Variants in EFCAB6 observed in about 807,000 individuals in gnomAD.
EFCAB6 encodes the protein EF-hand calcium binding domain 6, also known as EF-hand calcium-binding domain-containing protein 6.
A neutral mutation model predicts 169.8 loss-of-function variants in EFCAB6; 156 were observed. The observed-to-expected ratio is 0.92, with a 90% CI of 0.81 to 1.05. The LOEUF is 1.05. EFCAB6 is among the 50% of genes least tolerant of loss of function. The probability of loss-of-function intolerance (pLI) is 0.00; values close to 1 mark genes in which losing one functional copy is unlikely to be tolerated. For missense variants in EFCAB6, 1,800 were observed against 1,829.1 expected (o/e 0.98, Z 0.29); for synonymous variants, 698 against 676.4 (o/e 1.03, Z -0.50).
intron 23 of EFCAB6, 118 bp from the exon 24 acceptor site, chr22:43,590,347 T>A: frequency 8.4e-7 from 1 of 1,194,344 alleles, no homozygotes; most frequent in Non-Finnish European, 1.2e-6. Flanking sequence ...AAGAACTAAT[T>A]TTGAAGATGT....
chr22:43,687,593 AG>A lies in EFCAB6; in HGVS notation c.1032-13del. The A allele has an allele frequency of 6.6e-7, 1 of 1,505,410 alleles. No individual in the cohort carries two copies. 93.3% of individuals were successfully genotyped at this position (1,505,410 alleles called of 1,614,324 possible). On this transcript the variant is annotated splice_polypyrimidine_tract_variant and intron_variant, in intron 10 of 31. Transcript: ENST00000262726. ...CTTTAAGTCCAAATCTGGATTTAAAAGTAACAACAAAAAACATTACTTTAAA... is the reference window on the plus strand; with the variant it reads ...CTTTAAGTCCAAATCTGGATTTAAAATAACAACAAAAAACATTACTTTAAA...
intron 3 of EFCAB6, among the ~76,000 whole-genome samples, chr22:43,779,735 G>A (rs28368456): frequency 0.04 from 6,097 of 151,970 alleles, 436 homozygotes; most frequent in African/African-American, 0.14. Flanking sequence ...GCGAGACTCC[G>A]CCTCAATAAA....
intron 27 of EFCAB6, among the ~76,000 whole-genome samples, chr22:43,544,147 T>C (rs4823096): frequency 2.0e-5 from 3 of 151,498 alleles, no homozygotes; most frequent in Non-Finnish European, 4.4e-5. Flanking sequence ...CGCCCACAAC[T>C]CTTCCCCAGT....
At chr22:43,591,623 G>T (rs947239119) in intron 23 of EFCAB6, among the ~76,000 whole-genome samples, 2 of 152,110 alleles carry the variant, frequency 1.3e-5, no homozygotes, top group Non-Finnish European at 2.9e-5. Flanking sequence ...ACAGGAACAG[G>T]ACAGCATGCA....
intron 25 of EFCAB6, 57 bp downstream of exon 25, chr22:43,580,407 G>A: frequency 1.3e-6 from 2 of 1,573,878 alleles, no homozygotes; most frequent in African/African-American, 1.3e-5. Context: ...GGGGCTGAGA[G>A]GTGTTTTCAT....
intron 10 of EFCAB6, among the ~76,000 whole-genome samples, chr22:43,704,162 T>C (rs891123237): frequency 2.0e-5 from 3 of 151,884 alleles, no homozygotes; most frequent in African/African-American, 7.3e-5. Context: ...GGTCCCAACA[T>C]GACTATCAGC....
intron 10 of EFCAB6, among the ~76,000 whole-genome samples, chr22:43,689,478 A>C (rs1395491776): frequency 6.6e-6 from 1 of 152,172 alleles, no homozygotes; most frequent in East Asian, 1.9e-4. Flanking sequence ...CCAGGGGCTG[A>C]GAAGGAAATA....
intron 5 of EFCAB6, among the ~76,000 whole-genome samples, chr22:43,758,998 G>A (rs983653523): frequency 5.9e-5 from 9 of 152,164 alleles, no homozygotes; most frequent in African/African-American, 9.7e-5. Flanking sequence ...CAAGACTGGC[G>A]GATCACCTGA....
intron 17 of EFCAB6, among the ~76,000 whole-genome samples, chr22:43,639,848 TTC>T (rs1193664600): frequency 1.3e-5 from 2 of 152,194 alleles, no homozygotes; most frequent in African/African-American, 4.8e-5. Context: ...TAAAAAATTT[TTC>T]TCTCTCCTCT....
chr22:43,648,846 G>A (rs981016300), intron 17 of EFCAB6, among the ~76,000 whole-genome samples: 1 of 152,188 alleles, frequency 6.6e-6, no homozygotes, highest in Non-Finnish European at 1.5e-5. Context: ...TCATGCATTT[G>A]AAAAATACTT....
intron 9 of EFCAB6, 195 bp downstream of exon 9, chr22:43,716,653 T>C (rs1188928300): frequency 3.9e-6 from 2 of 518,714 alleles, no homozygotes; most frequent in Non-Finnish European, 6.2e-6. Flanking sequence ...AAAAATTAAT[T>C]TCACATCACC....
intron 21 of EFCAB6, among the ~76,000 whole-genome samples, chr22:43,609,039 C>T (rs1393220212): frequency 6.6e-6 from 1 of 152,106 alleles, no homozygotes; most frequent in African/African-American, 2.4e-5. Context: ...TTTTTATGGC[C>T]CTGATGGGTA....
rs1569487286 is a variant in EFCAB6, at chr22:43,784,569, G to GTATATATACACATATATA, written c.-7-2245_-7-2244insTATATATGTGTATATATA. Among the ~76,000 whole-genome samples, 69 of 40,002 alleles carry GTATATATACACATATATA rather than the reference G, an allele frequency of 1.7e-3. 2 individuals carry two copies. The highest frequency in any genetic ancestry group is 0.018 in the Middle Eastern group (1 of 56). The allele number at this position is 40,002 out of a possible 152,430, so 26.2% of individuals were successfully genotyped here. On this transcript the variant is annotated intron_variant, in intron 2 of 31. Transcript: ENST00000262726. ...TATATGTATATATACACATATATATGTGTACATATACACATATATATGTAT... is the reference window on the plus strand; with the variant it reads ...TATATGTATATATACACATATATATGTATATATACACATATATATGTACATATACACATATATATGTAT...
chr22:43,540,573 A>T (rs2047655501), intron 27 of EFCAB6: 3 of 1,499,656 alleles, frequency 2.0e-6, no homozygotes, highest in African/African-American at 2.8e-5. Context: ...AGGATTATTC[A>T]TGGCTTCTGC....
intron 2 of EFCAB6, among the ~76,000 whole-genome samples, chr22:43,784,547 A>ATATACACATATATGTG (rs1204100633): frequency 1.7e-4 from 14 of 81,116 alleles, no homozygotes; most frequent in East Asian, 1.2e-3. Flanking sequence ...GTGTGTGTAT[A>ATATACACATATATGTG]TGTATATATA....
In EFCAB6 at chr22:43,632,185, T is replaced by C. The variant is rs747665831; in HGVS notation, c.2152A>G (p.Lys718Glu). 4.7e-5 allele frequency: 76 copies of C among 1,614,202 alleles called. No homozygotes were observed. The African/African-American group carries it at 7.2e-4, about 15-fold the overall frequency. The change falls in exon 19 of 32, where the codon AAA (lysine) becomes GAA (glutamate). Residue 718 changes from lysine (K) to glutamate (E), a missense_variant. Transcript: ENST00000262726. ...ATAAAGTGGCTGTTCACGTAACTTTTTGAAGGAGTTGGAGGCTGCGGCGGA... is the reference window on the plus strand; with the variant it reads ...ATAAAGTGGCTGTTCACGTAACTTTCTGAAGGAGTTGGAGGCTGCGGCGGA... ...TTPPQPPTPSKSYVNSHFITA... is the reference protein window; with the variant it reads ...TTPPQPPTPSESYVNSHFITA...
At chr22:43,596,279 C>T (rs1663622775) in intron 23 of EFCAB6, among the ~76,000 whole-genome samples, 1 of 151,840 alleles carries the variant, frequency 6.6e-6, no homozygotes, top group African/African-American at 2.4e-5. Flanking sequence ...TAAAGCGCAT[C>T]CAAATTGGAA....
chr22:43,765,768 G>C (rs73888211), intron 4 of EFCAB6, among the ~76,000 whole-genome samples: 94 of 152,176 alleles, frequency 6.2e-4, no homozygotes, highest in African/African-American at 2.1e-3. Flanking sequence ...TGAGTGTCAC[G>C]TGAACTTTGT....
intron 20 of EFCAB6, among the ~76,000 whole-genome samples, chr22:43,617,759 C>T (rs1159012991): frequency 2.0e-5 from 3 of 152,124 alleles, no homozygotes; most frequent in Non-Finnish European, 4.4e-5. Flanking sequence ...AGTCCACATT[C>T]CCAAGGAGCT....
Sources: allele counts gnomAD v4.1 joint callset (sites outside exome capture counted in the v4.1 genomes callset), GRCh38; gene constraint gnomAD v4.1.1; transcripts MANE v1.5; gene names NCBI Gene and HGNC (gene_info 2026-07-23, HGNC 2026-07-21).